Variants in CRB1 observed in about 807,000 individuals in gnomAD.
The protein encoded by CRB1 is crumbs cell polarity complex component 1, also known as protein crumbs homolog 1.
Under a neutral mutation model 120.0 loss-of-function variants are expected in CRB1, and 83 were observed. The ratio of observed to expected loss-of-function variants is 0.69; its 90% CI spans 0.58 to 0.83. CRB1 has a LOEUF of 0.83. Ranked by LOEUF, CRB1 falls within the 40% of genes least tolerant of loss-of-function variation. The pLI, the probability that CRB1 is intolerant of heterozygous loss-of-function variation, is 0.00. For missense variants in CRB1, 1,699 were observed against 1,687.6 expected (o/e 1.01, Z -0.12); for synonymous variants, 625 against 612.5 (o/e 1.02, Z -0.30).
the CRB1 span, among the ~76,000 whole-genome samples, chr1:197,226,134 C>G: frequency 6.6e-6 from 1 of 152,092 alleles, no homozygotes; most frequent in African/African-American, 2.4e-5. Flanking sequence ...GTTTTGGACT[C>G]CTGAACTCAA....
chr1:197,365,808 C>T (rs896650808), intron 5 of CRB1, among the ~76,000 whole-genome samples: 2 of 151,978 alleles, frequency 1.3e-5, no homozygotes, highest in African/African-American at 2.4e-5. Context: ...GAGGCACCTC[C>T]TTGTGTTATG....
chr1:197,329,295 G>T (rs910516523), intron 2 of CRB1, among the ~76,000 whole-genome samples: 15 of 152,136 alleles, frequency 9.9e-5, no homozygotes, highest in Admixed American at 5.2e-4. Flanking sequence ...GGCAGTTCAG[G>T]TTTCCTCATC....
rs143863989 is a variant in CRB1 at position 197,408,887 on chromosome 1, C to T, written c.1172-12113C>T. 7.3e-4 allele frequency among the ~76,000 whole-genome samples: 111 copies of T among 152,220 alleles called. 1 individual carries two copies. The highest frequency in any genetic ancestry group is 2.4e-3 in the African/African-American group (101 of 41,540). Reference sequence around the variant, plus strand: ...GTGCTGTACTTTCTACTTGTTAGTCCGTAAAATAACTAAAAATCACTTACC... The same window carrying T: ...GTGCTGTACTTTCTACTTGTTAGTCTGTAAAATAACTAAAAATCACTTACC... On this transcript the variant is annotated intron_variant, in intron 5 of 11. Transcript: ENST00000367400.
At chr1:197,359,026 T>C (rs1660634670) in intron 5 of CRB1, among the ~76,000 whole-genome samples, 1 of 152,218 alleles carries the variant, frequency 6.6e-6, no homozygotes, top group Non-Finnish European at 1.5e-5. Context: ...TTTCTATATT[T>C]TGTTTTTAAA....
intron 2 of CRB1, among the ~76,000 whole-genome samples, chr1:197,336,679 T>C (rs994636457): frequency 2.6e-5 from 4 of 152,202 alleles, no homozygotes; most frequent in African/African-American, 4.8e-5. Context: ...TGCAATGCAC[T>C]GGGCATTGTG....
At chr1:197,463,841 C>A (rs540377495) in intron 11 of CRB1, among the ~76,000 whole-genome samples, 2 of 152,234 alleles carry the variant, frequency 1.3e-5, no homozygotes, top group East Asian at 1.9e-4. Context: ...GAACCAGATA[C>A]AGGAAAGATT....
At chr1:197,451,314 C>G (rs1486610736) in intron 11 of CRB1, among the ~76,000 whole-genome samples, 1 of 152,012 alleles carries the variant, frequency 6.6e-6, no homozygotes, top group African/African-American at 2.4e-5. Flanking sequence ...AAATTATGGG[C>G]CAGGTGGAAA....
Position 197,421,327 on chromosome 1 carries a change from C to T in CRB1, c.1499C>T (p.Ser500Leu). The T allele has an allele frequency of 6.2e-7, 1 of 1,614,210 alleles. No homozygotes were observed. The highest frequency in any genetic ancestry group is 8.5e-7 in the Non-Finnish European group (1 of 1,180,046). ...GDGFLWVKSGSVTTKGSVCNI... is the reference protein window; with the variant it reads ...GDGFLWVKSGLVTTKGSVCNI... ...GGCTTCCTGTGGGTCAAAAGTGGCTCAGTGACAACCAAGGGCTCAGTTTGT... is the reference window on the plus strand; with the variant it reads ...GGCTTCCTGTGGGTCAAAAGTGGCTTAGTGACAACCAAGGGCTCAGTTTGT... Residue 500 changes from serine (S) to leucine (L), a missense_variant, in exon 6 of 12, where the codon TCA (serine) becomes TTA (leucine). Coordinates refer to ENST00000367400, the MANE Select transcript of CRB1 (RefSeq NM_201253.3).
At chr1:197,227,210 G>T in the CRB1 span, among the ~76,000 whole-genome samples, 23 of 152,042 alleles carry the variant, frequency 1.5e-4, no homozygotes, top group African/African-American at 5.1e-4. Context: ...GACAAGGCAA[G>T]TTCCTTCTGC....
At chr1:197,229,679 C>T in the CRB1 span, among the ~76,000 whole-genome samples, 14 of 152,236 alleles carry the variant, frequency 9.2e-5, no homozygotes, top group African/African-American at 3.1e-4. Flanking sequence ...CAATATTTAG[C>T]TTTCACTCGT....
At chr1:197,394,221 G>A (rs1662656950) in intron 5 of CRB1, among the ~76,000 whole-genome samples, 1 of 152,040 alleles carries the variant, frequency 6.6e-6, no homozygotes, top group African/African-American at 2.4e-5. Context: ...AGACCTCTAT[G>A]ATGATCCACT....
chr1:197,408,724 GA>G, intron 5 of CRB1, among the ~76,000 whole-genome samples: 1 of 152,124 alleles, frequency 6.6e-6, no homozygotes, highest in South Asian at 2.1e-4. Context: ...CAAGACAAGG[GA>G]AAAAAGGACC....
intron 1 of CRB1, among the ~76,000 whole-genome samples, chr1:197,287,960 T>G: frequency 6.6e-6 from 1 of 151,648 alleles, no homozygotes; most frequent in Middle Eastern, 3.4e-3. Flanking sequence ...TAGTCATCCC[T>G]AAGAAATGGA....
chr1:197,463,099 T>C (rs1039188293), intron 11 of CRB1, among the ~76,000 whole-genome samples: 2 of 152,156 alleles, frequency 1.3e-5, no homozygotes, highest in Admixed American at 6.6e-5. Flanking sequence ...GCCACAACCC[T>C]GGGAGATTTT....
intron 5 of CRB1, among the ~76,000 whole-genome samples, chr1:197,365,383 C>T (rs1190734590): frequency 6.6e-6 from 1 of 152,018 alleles, no homozygotes; most frequent in East Asian, 1.9e-4. Context: ...CAGGGTATCT[C>T]TTGATGGAAG....
At chr1:197,379,679 G>A (rs1661845903) in intron 5 of CRB1, among the ~76,000 whole-genome samples, 1 of 151,084 alleles carries the variant, frequency 6.6e-6, no homozygotes, top group South Asian at 2.1e-4. Context: ...GGTGGAATGG[G>A]CTTTTTGCTT....
At chr1:197,353,137 G>C (rs1278946488) in intron 4 of CRB1, among the ~76,000 whole-genome samples, 1 of 152,138 alleles carries the variant, frequency 6.6e-6, no homozygotes, top group Non-Finnish European at 1.5e-5. Flanking sequence ...AAAAGAATTG[G>C]GTGGCATGAG....
chr1:197,223,526 T>C, the CRB1 span, among the ~76,000 whole-genome samples: 1 of 152,194 alleles, frequency 6.6e-6, no homozygotes, highest in Non-Finnish European at 1.5e-5. Flanking sequence ...TTTGGAAATA[T>C]GCACTGAAAG....
intron 11 of CRB1, among the ~76,000 whole-genome samples, chr1:197,465,849 A>G (rs1166139295): frequency 2.0e-5 from 3 of 152,264 alleles, no homozygotes; most frequent in African/African-American, 7.2e-5. Context: ...ACATTCATCA[A>G]TGAAACACTA....
Sources: allele counts gnomAD v4.1 joint callset (sites outside exome capture counted in the v4.1 genomes callset), GRCh38; gene constraint gnomAD v4.1.1; transcripts MANE v1.5; gene names NCBI Gene and HGNC (gene_info 2026-07-23, HGNC 2026-07-21).